BRINP3: variants seen among roughly 807,000 people sequenced by gnomAD.
The protein encoded by BRINP3 is BMP/retinoic acid-inducible neural-specific protein 3.
In BRINP3, 19 loss-of-function variants were observed where a neutral mutation model predicts 71.0. The ratio of observed to expected loss-of-function variants is 0.27; its 90% confidence interval spans 0.19 to 0.39. The LOEUF (loss-of-function observed/expected upper bound fraction) is 0.39, where lower values mean the gene tolerates loss of function less well. Ranked by LOEUF, BRINP3 falls within the 10% of genes least tolerant of loss-of-function variation. BRINP3 has a pLI of 1.00. For synonymous variants in BRINP3, 380 were observed against 337.7 expected (o/e 1.13, Z -1.37); for missense variants, 959 against 940.8 (o/e 1.02, Z -0.25).
chr1:190,472,714 T>C (rs1677214347), intron 1 of BRINP3, among the ~76,000 whole-genome samples: 1 of 151,722 alleles, frequency 6.6e-6, no homozygotes, highest in Admixed American at 6.6e-5. Flanking sequence ...GCATTCTTTG[T>C]ACTTGTGGAG....
chr1:190,335,225 G>C (rs1191034009), intron 2 of BRINP3, among the ~76,000 whole-genome samples: 2 of 151,780 alleles, frequency 1.3e-5, no homozygotes, highest in African/African-American at 2.4e-5. Context: ...GAAATCAACA[G>C]CATGAACTGA....
intron 7 of BRINP3, among the ~76,000 whole-genome samples, chr1:190,140,009 T>C (rs2102384657): frequency 6.6e-6 from 1 of 152,290 alleles, no homozygotes; most frequent in South Asian, 2.1e-4. Context: ...CAAAAGACAA[T>C]TTCTAACTTT....
chr1:190,241,176 G>T (rs1175969056), intron 4 of BRINP3, among the ~76,000 whole-genome samples: 1 of 151,902 alleles, frequency 6.6e-6, no homozygotes, highest in East Asian at 1.9e-4. Flanking sequence ...TGAATTTTTT[G>T]GGAACCTCTT....
chr1:190,300,821 T>C (rs938957836), intron 2 of BRINP3, among the ~76,000 whole-genome samples: 2 of 151,844 alleles, frequency 1.3e-5, no homozygotes, highest in South Asian at 4.2e-4. Flanking sequence ...ACCACAAAGA[T>C]GGGGAAAAAA....
At chr1:190,161,360 T>A (rs986853188) in intron 6 of BRINP3, among the ~76,000 whole-genome samples, 21 of 151,722 alleles carry the variant, frequency 1.4e-4, no homozygotes, top group Admixed American at 1.4e-3. Flanking sequence ...TTGTATCAGT[T>A]TTTAAAGAAA....
intron 6 of BRINP3, among the ~76,000 whole-genome samples, chr1:190,175,998 T>G (rs1322391383): frequency 6.6e-6 from 1 of 152,032 alleles, no homozygotes; most frequent in Non-Finnish European, 1.5e-5. Flanking sequence ...TAACATGTGT[T>G]TTTGTTTTGT....
intron 2 of BRINP3, among the ~76,000 whole-genome samples, chr1:190,406,096 C>T (rs1418360874): frequency 8.5e-5 from 13 of 152,098 alleles, no homozygotes; most frequent in Non-Finnish European, 1.3e-4. Context: ...AGATTGGAGC[C>T]GGTTTGGTAA....
intron 2 of BRINP3, among the ~76,000 whole-genome samples, chr1:190,357,576 G>GT (rs1558213414): frequency 6.6e-6 from 1 of 151,914 alleles, no homozygotes; most frequent in East Asian, 1.9e-4. Flanking sequence ...CTGTAGCCTT[G>GT]TAGTATAGTT....
chr1:190,343,014 G>A (rs994566878), intron 2 of BRINP3, among the ~76,000 whole-genome samples: 7 of 151,864 alleles, frequency 4.6e-5, no homozygotes, highest in African/African-American at 1.7e-4. Flanking sequence ...AACTATGGTG[G>A]CTCTTTAAAC....
At chr1:190,235,322 AT>A (rs1401285174) in intron 4 of BRINP3, among the ~76,000 whole-genome samples, 1 of 152,050 alleles carries the variant, frequency 6.6e-6, no homozygotes, top group Non-Finnish European at 1.5e-5. Flanking sequence ...AATTTAATGA[AT>A]TTTATGAGGC....
intron 2 of BRINP3, among the ~76,000 whole-genome samples, chr1:190,433,603 A>G (rs546551150): frequency 4.6e-5 from 7 of 151,918 alleles, no homozygotes; most frequent in African/African-American, 9.7e-5. Flanking sequence ...TTCTATTCCT[A>G]TTACTTCCCT....
intron 4 of BRINP3, among the ~76,000 whole-genome samples, chr1:190,261,447 T>C (rs938509573): frequency 6.7e-6 from 1 of 150,024 alleles, no homozygotes; most frequent in Non-Finnish European, 1.5e-5. Flanking sequence ...TAACAAAGTA[T>C]AGTCTACATT....
At chr1:190,331,752 A>C (rs1666977789) in intron 2 of BRINP3, among the ~76,000 whole-genome samples, 1 of 148,990 alleles carries the variant, frequency 6.7e-6, no homozygotes, top group African/African-American at 2.5e-5. Context: ...GTTCCAATGC[A>C]TAGGTAAGAA....
At chr1:190,230,140 A>G (rs1657823491) in intron 5 of BRINP3, among the ~76,000 whole-genome samples, 1 of 152,018 alleles carries the variant, frequency 6.6e-6, no homozygotes, top group Admixed American at 6.6e-5. Flanking sequence ...GCAAAAAGAT[A>G]TGAAATACAG....
At position 190,264,999 on chromosome 1, in the gene BRINP3, C is replaced by T. The variant is rs368852443; in HGVS notation, c.484G>A (p.Gly162Arg). The change falls in exon 4 of 8, where the codon GGA becomes AGA. Residue 162 changes from glycine to arginine, a missense_variant. By Grantham distance (125) the Gly-to-Arg change is moderately radical. Transcript: ENST00000367462. The stretch of plus-strand genomic sequence containing the variant: ...GAGCTATTGGTGGTGGAATCACTTC[C>T]TTCAGCTCGTTTGCTCAACTTCCGC... ...DKRKLSKRAE[G>R]SDSTTNSSSV... is the part of the protein sequence containing the mutation. 1.9e-6 allele frequency: 3 copies of T among 1,611,514 alleles called. No individual in the cohort carries two copies. Among genetic ancestry groups the T allele is most frequent in the African/African-American group, 1.3e-5 (1 of 74,840 alleles).
intron 7 of BRINP3, among the ~76,000 whole-genome samples, chr1:190,103,135 C>T (rs977187100): frequency 6.6e-6 from 1 of 152,052 alleles, no homozygotes; most frequent in Non-Finnish European, 1.5e-5. Context: ...ACCCTGTGCC[C>T]TGTGACGAGT....
chr1:190,183,978 G>A (rs1166714067), intron 6 of BRINP3, among the ~76,000 whole-genome samples: 1 of 152,078 alleles, frequency 6.6e-6, no homozygotes, highest in Non-Finnish European at 1.5e-5. Flanking sequence ...TGCCTAGAGA[G>A]AGCAGACTTT....
At chr1:190,226,763 C>T (rs1657420577) in intron 5 of BRINP3, among the ~76,000 whole-genome samples, 1 of 151,844 alleles carries the variant, frequency 6.6e-6, no homozygotes, top group Admixed American at 6.6e-5. Flanking sequence ...ATGGGTTGTG[C>T]CATTGATAAA....
chr1:190,239,821 A>T (rs985738996), intron 4 of BRINP3, among the ~76,000 whole-genome samples: 3 of 152,050 alleles, frequency 2.0e-5, no homozygotes, highest in Non-Finnish European at 2.9e-5. Context: ...ATTTTCATAC[A>T]TATATCCTTT....
Sources: allele counts gnomAD v4.1 joint callset (sites outside exome capture counted in the v4.1 genomes callset), GRCh38; gene constraint gnomAD v4.1.1; transcripts MANE v1.5; gene names NCBI Gene and HGNC (gene_info 2026-07-23, HGNC 2026-07-21).